The following CCNA1 variants were observed in gnomAD, a reference collection of about 807,000 sequenced individuals.
The protein encoded by CCNA1 is cyclin A1.
CCNA1 carries 23 observed loss-of-function variants against 54.1 expected under a neutral mutation model. The ratio of observed to expected loss-of-function variants is 0.42; its 90% CI spans 0.31 to 0.60. CCNA1 has a LOEUF of 0.60. Ranked by LOEUF, CCNA1 falls within the 20% of genes least tolerant of loss-of-function variation. The pLI is 0.14. For synonymous variants in CCNA1, 208 were observed against 213.9 expected (o/e 0.97, Z 0.24); for missense variants, 450 against 556.7 (o/e 0.81, Z 1.93).
chr13:36,432,731 T>C lies in CCNA1; in HGVS notation c.108+2T>C. On this transcript the variant is annotated splice_donor_variant, in intron 1 of 8. Coordinates refer to ENST00000255465, the MANE Select transcript of CCNA1 (RefSeq NM_003914.4). LOFTEE classifies it high-confidence loss of function. ...GGGCTCCCAGATTTCGTCTTCCAGGTAACGTGGGTTTAGTATCCCGACTTG... is the reference window on the plus strand; with the variant it reads ...GGGCTCCCAGATTTCGTCTTCCAGGCAACGTGGGTTTAGTATCCCGACTTG... 1 of 1,590,238 alleles carries C rather than the reference T, an allele frequency of 6.3e-7. No individual in the cohort carries two copies. The highest frequency in any genetic ancestry group is 1.1e-5 in the South Asian group (1 of 89,984).
rs186797059 is a variant in CCNA1 at position 36,436,624 on chromosome 13, G to A, written c.298-1005G>A. ...GTGGTTGTAGCAAGAGTCAAACTTCGCAGTAACTTGGTTATCTGGTTACAG... is the reference window on the plus strand; with the variant it reads ...GTGGTTGTAGCAAGAGTCAAACTTCACAGTAACTTGGTTATCTGGTTACAG... On this transcript the variant is annotated intron_variant, in intron 2 of 8. Transcript: ENST00000255465. Among the ~76,000 whole-genome samples the A allele has an allele frequency of 1.4e-3, 214 of 152,258 alleles. 3 individuals are homozygous for A. In the Middle Eastern group the frequency reaches 0.027, roughly 19 times the overall value.
chr13:36,434,061 G>T (rs1593320719), intron 2 of CCNA1, among the ~76,000 whole-genome samples: 3 of 152,208 alleles, frequency 2.0e-5, no homozygotes, highest in African/African-American at 7.2e-5. Context: ...TCACATTGAT[G>T]CAGGCTGTGC....
chr13:36,442,714 C>T lies in CCNA1; in HGVS notation c.*49C>T, dbSNP rs183429673. The T allele has an allele frequency of 8.1e-4, 1,190 of 1,472,890 alleles. 3 individuals are homozygous for T. The highest frequency in any genetic ancestry group is 1.1e-3 in the Non-Finnish European group (1,126 of 1,053,034). The allele number at this position is 1,472,890 out of a possible 1,614,324, so 91.2% of individuals were successfully genotyped here. ...GAACTTCACCTCCATATCAGAAGTG[C>T]CAATAATCGTCATAGGCTTCTGCAC... On this transcript the variant is annotated 3_prime_UTR_variant, in exon 9 of 9. Coordinates refer to ENST00000255465, the MANE Select transcript of CCNA1 (RefSeq NM_003914.4).
chr13:36,442,704 A>T lies in CCNA1; in HGVS notation c.*39A>T. 6.5e-7 allele frequency: 1 copy of T among 1,548,516 alleles called. No individual in the cohort carries two copies. Among genetic ancestry groups the T allele is most frequent in the African/African-American group, 1.4e-5 (1 of 73,726 alleles). On this transcript the variant is annotated 3_prime_UTR_variant, in exon 9 of 9. Transcript: ENST00000255465. ...AGCACTTCCAGAACTTCACCTCCAT[A>T]TCAGAAGTGCCAATAATCGTCATAG... is the stretch of plus-strand genomic sequence containing the variant.
At chr13:36,431,982 G>T (rs1478929634), upstream of CCNA1, 1 of 152,976 alleles carries the variant, frequency 6.5e-6, no homozygotes, top group East Asian at 1.9e-4. Context: ...GGGCCATCGT[G>T]GGGTGGGCGA....
rs756532372 is a variant in CCNA1, at chr13:36,433,025, C to T, written c.109-8C>T. On this transcript the variant is annotated splice_polypyrimidine_tract_variant and splice_region_variant and intron_variant, in intron 1 of 8. Transcript: ENST00000255465. ...TAAACAGCTTGTCTGTTTCTCTTTC[C>T]CTGGTAGCAGCAGCCCGTGGAGTCT... 6 of 1,609,018 alleles carry T rather than the reference C, an allele frequency of 3.7e-6. No homozygotes were observed. The highest frequency in any genetic ancestry group is 2.2e-5 in the East Asian group (1 of 44,872).
intron 1 of CCNA1, 105 bp from the exon 2 acceptor site, chr13:36,432,928 A>G (rs2055733619): frequency 9.0e-7 from 1 of 1,106,962 alleles, no homozygotes; most frequent in Non-Finnish European, 1.3e-6. Flanking sequence ...AATTGGTGTT[A>G]GTCCCATTGC....
intron 5 of CCNA1, 84 bp from the exon 6 acceptor site, chr13:36,439,895 C>A: frequency 1.2e-6 from 1 of 815,390 alleles, no homozygotes; most frequent in Admixed American, 2.0e-5. Flanking sequence ...CTGCAAGGGC[C>A]ATGCGGAGAG....
At position 36,437,619 on chromosome 13, in the gene CCNA1, C is replaced by T. The variant is rs764611424; in HGVS notation, c.298-10C>T. 46 of 1,612,670 alleles carry T rather than the reference C, an allele frequency of 2.9e-5. No individual in the cohort carries two copies. The highest frequency in any genetic ancestry group is 1.8e-4 in the Admixed American group (11 of 59,802). On this transcript the variant is annotated splice_polypyrimidine_tract_variant and intron_variant, in intron 2 of 8. Coordinates refer to ENST00000255465, the MANE Select transcript of CCNA1 (RefSeq NM_003914.4). Reference sequence around the variant, plus strand: ...CGTGGCCTCTAACAAAAGATTTAAACGTTTTTTAGGGGATCACAAGAATCA... The same window carrying T: ...CGTGGCCTCTAACAAAAGATTTAAATGTTTTTTAGGGGATCACAAGAATCA...
intron 5 of CCNA1, 29 bp from the exon 6 acceptor site, chr13:36,439,950 T>G: frequency 1.3e-6 from 2 of 1,534,954 alleles, no homozygotes; most frequent in Non-Finnish European, 1.8e-6. Flanking sequence ...GGTTCTAAGT[T>G]TTACTTCTGA....
intron 2 of CCNA1, among the ~76,000 whole-genome samples, chr13:36,435,805 CA>C (rs955834959): frequency 3.9e-4 from 60 of 152,260 alleles, no homozygotes; most frequent in African/African-American, 1.4e-3. Flanking sequence ...CCACTTAGGT[CA>C]TATAATAAGC....
At position 36,442,737 on chromosome 13, in the gene CCNA1, C is replaced by T; in HGVS notation, c.*72C>T. On this transcript the variant is annotated 3_prime_UTR_variant, in exon 9 of 9. Transcript: ENST00000255465. ...TGCCAATAATCGTCATAGGCTTCTG[C>T]ACGTTGGATCAACTAATGTTGTTTA... 8.4e-7 allele frequency: 1 copy of T among 1,191,526 alleles called. No individual in the cohort carries two copies. Among genetic ancestry groups the T allele is most frequent in the Non-Finnish European group, 1.2e-6 (1 of 800,796 alleles). The allele number at this position is 1,191,526 out of a possible 1,614,324, so 73.8% of individuals were successfully genotyped here. A position where few individuals can be genotyped will look rare whatever the true frequency, so the allele number is the denominator to read the frequency against.
At chr13:36,432,990 C>T (rs759404990) in intron 1 of CCNA1, 43 bp from the exon 2 acceptor site, 5 of 1,573,408 alleles carry the variant, frequency 3.2e-6, no homozygotes, top group African/African-American at 2.7e-5. Context: ...CCGGGGTGGA[C>T]GGAATCGACT....
At chr13:36,435,144 G>A (rs1593321731) in intron 2 of CCNA1, among the ~76,000 whole-genome samples, 1 of 152,306 alleles carries the variant, frequency 6.6e-6, no homozygotes, top group East Asian at 1.9e-4. Flanking sequence ...AGGTCTAGGA[G>A]CTGTTTGCAT....
intron 2 of CCNA1, among the ~76,000 whole-genome samples, chr13:36,436,156 T>G (rs1406557327): frequency 6.6e-6 from 1 of 152,218 alleles, no homozygotes; most frequent in African/African-American, 2.4e-5. Flanking sequence ...TTTTAAGAAA[T>G]GAAAAGATTA....
intron 6 of CCNA1, 76 bp downstream of exon 6, chr13:36,440,259 A>G (rs776472260): frequency 1.6e-6 from 2 of 1,270,972 alleles, no homozygotes; most frequent in Admixed American, 1.9e-5. Context: ...ATCATCCTTC[A>G]GTTCTTTTTT....
intron 2 of CCNA1, among the ~76,000 whole-genome samples, chr13:36,435,540 A>G (rs1348335603): frequency 1.3e-5 from 2 of 151,852 alleles, no homozygotes; most frequent in Non-Finnish European, 1.5e-5. Flanking sequence ...GTAGAACACC[A>G]CTCTCTCCAA....
rs1566169594 is a variant in CCNA1, at chr13:36,433,423, TTTC to T, written c.297+205_297+207del. ...CTTTCTTTCTTTCTTTCTTTCTTTC[TTTC>T]TTTCTTTCTTTCTTTCGTTCTTTCT... On this transcript the variant is annotated intron_variant, in intron 2 of 8. Transcript: ENST00000255465. 6.2e-3 allele frequency among the ~76,000 whole-genome samples: 751 copies of T among 121,314 alleles called. 19 individuals are homozygous for T. The highest frequency in any genetic ancestry group is 9.2e-3 in the Non-Finnish European group (510 of 55,642). The allele number at this position is 121,314 out of a possible 152,430, so 79.6% of individuals were successfully genotyped here.
chr13:36,433,443 GTTCTTTCT>G (rs144960649), intron 2 of CCNA1, among the ~76,000 whole-genome samples: 10 of 53,800 alleles, frequency 1.9e-4, no homozygotes, highest in East Asian at 8.3e-4. Context: ...TCTTTCTTTC[GTTCTTTCT>G]TTCTTTCTTT....
Sources: allele counts gnomAD v4.1 joint callset (sites outside exome capture counted in the v4.1 genomes callset), GRCh38; gene constraint gnomAD v4.1.1; transcripts MANE v1.5; gene names NCBI Gene and HGNC (gene_info 2026-07-23, HGNC 2026-07-21).